The following ADGRV1 variants were observed in gnomAD, a reference collection of about 807,000 sequenced individuals.
ADGRV1 encodes the protein G-protein coupled receptor 98.
A neutral mutation model predicts 596.2 loss-of-function variants in ADGRV1; 359 were observed. That is an observed-to-expected ratio of 0.60 (90% CI 0.55 to 0.66). ADGRV1 has a LOEUF of 0.66. ADGRV1 is among the 30% of genes least tolerant of loss of function. The pLI, the probability that ADGRV1 is intolerant of heterozygous loss-of-function variation, is 0.00. For missense variants in ADGRV1, 7,274 were observed against 7,575.6 expected, an observed-to-expected ratio of 0.96 and a Z score of 1.48; for synonymous variants, 2,681 against 2,679.2, an observed-to-expected ratio of 1.00 and a Z score of -0.02.
intron 85 of ADGRV1, among the ~76,000 whole-genome samples, chr5:91,042,979 G>T (rs1212200775): frequency 6.6e-6 from 1 of 152,030 alleles, no homozygotes; most frequent in Non-Finnish European, 1.5e-5. Flanking sequence ...TTTCGAGCCA[G>T]TAGTAACCCC....
chr5:90,912,664 G>A (rs12520956), intron 83 of ADGRV1, among the ~76,000 whole-genome samples: 43,909 of 151,892 alleles, frequency 0.29, 6,743 homozygotes, highest in Non-Finnish European at 0.35. Flanking sequence ...TGGAGAACGG[G>A]GGTTATTTGG....
chr5:91,060,734 T>A (rs966531812), intron 85 of ADGRV1, among the ~76,000 whole-genome samples: 4 of 152,192 alleles, frequency 2.6e-5, no homozygotes, highest in Non-Finnish European at 5.9e-5. Context: ...AGATGGCAAA[T>A]ATGGGTGTGA....
At position 90,756,458 on chromosome 5, in the gene ADGRV1, A is replaced by C; in HGVS notation, c.11585A>C (p.Asp3862Ala). Residue 3862 changes from aspartate (D) to alanine (A), a missense_variant, in exon 56 of 90, where the codon GAC becomes GCC. Asp to Ala is a moderately radical substitution (Grantham distance 126). This residue lies in a region of ADGRV1 where 3,643 missense variants were observed against 3,809.2 expected (regional missense o/e 0.96). Coordinates refer to ENST00000405460, the MANE Select transcript of ADGRV1 (RefSeq NM_032119.4). ...AHAEVSILPDDLPELEEGFIV... is the reference protein window; with the variant it reads ...AHAEVSILPDALPELEEGFIV... ...TCTTTTTCCCCCATCCCCCAGGATG[A>C]CCTTCCTGAATTGGAGGAAGGATTT... is the stretch of plus-strand genomic sequence containing the variant. 2 of 1,509,132 alleles carry C rather than the reference A, an allele frequency of 1.3e-6. 1 individual carries two copies. The allele number at this position is 1,509,132 out of a possible 1,614,324, so 93.5% of individuals were successfully genotyped here. A position where few individuals can be genotyped will look rare whatever the true frequency, so the allele number is the denominator to read the frequency against.
Position 90,716,505 on chromosome 5 carries a change from G to A in ADGRV1, c.9223G>A (p.Val3075Ile). The A allele has an allele frequency of 6.2e-7, 1 of 1,608,018 alleles. No homozygotes were observed. The highest frequency in any genetic ancestry group is 1.1e-5 in the South Asian group (1 of 89,666). ...CCTTGCTAATGATGACGGCCCTGGAGTTCTATCATTTAACAACAGTGAGCA... is the reference window on the plus strand; with the variant it reads ...CCTTGCTAATGATGACGGCCCTGGAATTCTATCATTTAACAACAGTGAGCA... ...IVLANDDGPG[V>I]LSFNNSEHFF... Residue 3075 changes from valine (V) to isoleucine (I), a missense_variant, in exon 43 of 90, where the codon GTT becomes ATT. Coordinates refer to ENST00000405460, the MANE Select transcript of ADGRV1 (RefSeq NM_032119.4).
rs777314329 is a variant in ADGRV1 at position 90,840,585 on chromosome 5, G to A, written c.16619G>A (p.Arg5540Lys). The A allele has an allele frequency of 1.3e-6, 2 of 1,597,508 alleles. No individual in the cohort carries two copies. Among genetic ancestry groups the A allele is most frequent in the Non-Finnish European group, 1.7e-6 (2 of 1,169,572 alleles). ...GTGTTGTTTAATTTCTAGGAGTTGA[G>A]GAGTGCTGAAACAATTGGTCGTACC... ...MSVNFSTQEL[R>K]SAETIGRTII... Residue 5540 changes from arginine to lysine, a missense_variant, in exon 78 of 90, where the codon AGG becomes AAG. Coordinates refer to ENST00000405460, the MANE Select transcript of ADGRV1 (RefSeq NM_032119.4).
intron 77 of ADGRV1, among the ~76,000 whole-genome samples, chr5:90,839,828 C>T: frequency 6.6e-6 from 1 of 152,166 alleles, no homozygotes; most frequent in East Asian, 1.9e-4. Context: ...TTCCACAACC[C>T]TTGTACAACC....
At chr5:90,738,651 A>C (rs1336988764) in intron 50 of ADGRV1, among the ~76,000 whole-genome samples, 1 of 152,092 alleles carries the variant, frequency 6.6e-6, no homozygotes, top group Non-Finnish European at 1.5e-5. Context: ...CATGGTCTGC[A>C]GGGTTTCTGC....
chr5:91,150,697 C>T (rs946843739), intron 88 of ADGRV1, among the ~76,000 whole-genome samples: 1 of 152,196 alleles, frequency 6.6e-6, no homozygotes, highest in Non-Finnish European at 1.5e-5. Context: ...TTAAGCCAAA[C>T]CTCTTTTCAA....
chr5:90,566,682 G>A lies in ADGRV1; in HGVS notation c.22+7765G>A, dbSNP rs148414427. Among the ~76,000 whole-genome samples, 824 of 151,944 alleles carry A rather than the reference G, an allele frequency of 5.4e-3. 5 individuals carry two copies. Among genetic ancestry groups the A allele is most frequent in the Non-Finnish European group, 9.2e-3 (626 of 67,868 alleles). ...CAATTGATTCTTGTATATTGATTTT[G>A]TATTCTGTAATCTTGCTGAACTCTT... On this transcript the variant is annotated intron_variant, in intron 1 of 89. Transcript: ENST00000405460.
intron 50 of ADGRV1, among the ~76,000 whole-genome samples, chr5:90,739,966 C>G (rs1440648435): frequency 6.6e-6 from 1 of 152,070 alleles, no homozygotes; most frequent in Non-Finnish European, 1.5e-5. Context: ...GACTCCTTGC[C>G]TGGCAAGGGC....
intron 1 of ADGRV1, among the ~76,000 whole-genome samples, chr5:90,565,434 C>T (rs1471041011): frequency 6.6e-6 from 1 of 152,156 alleles, no homozygotes; most frequent in East Asian, 1.9e-4. Context: ...TGGAATCATA[C>T]AATATGTGGC....
intron 86 of ADGRV1, among the ~76,000 whole-genome samples, chr5:91,074,038 T>C (rs1211661504): frequency 6.6e-6 from 1 of 152,258 alleles, no homozygotes; most frequent in Non-Finnish European, 1.5e-5. Flanking sequence ...TCTTAACTCC[T>C]TTAATAAAAA....
intron 79 of ADGRV1, among the ~76,000 whole-genome samples, chr5:90,849,445 A>G (rs1766259365): frequency 6.6e-6 from 1 of 152,280 alleles, no homozygotes; most frequent in South Asian, 2.1e-4. Flanking sequence ...GCTGGAGTGC[A>G]ATGGCGGGGT....
chr5:90,790,954 G>C lies in ADGRV1; in HGVS notation c.14125G>C (p.Glu4709Gln), dbSNP rs1760002977. Residue 4709 changes from glutamate to glutamine, a missense_variant, in exon 70 of 90, where the codon GAG becomes CAG. By Grantham distance (29) the Glu-to-Gln change is conservative (BLOSUM62 2). Coordinates refer to ENST00000405460, the MANE Select transcript of ADGRV1 (RefSeq NM_032119.4). ...TGGATTTTTCACCATTGCTGATGGA[G>C]AGAGTGAAGCTAGCTTTGATGTTCA... Reference protein sequence around the residue: ...TSGFFTIADGESEASFDVHLL... With the variant: ...TSGFFTIADGQSEASFDVHLL... 6.2e-7 allele frequency: 1 copy of C among 1,613,046 alleles called. No individual in the cohort carries two copies.
At chr5:90,821,560 G>C (rs1763509700) in intron 75 of ADGRV1, among the ~76,000 whole-genome samples, 1 of 151,014 alleles carries the variant, frequency 6.6e-6, no homozygotes, top group Non-Finnish European at 1.5e-5. Flanking sequence ...TCTACTTTTG[G>C]TCTTTGATGA....
chr5:90,667,028 C>G (rs1004903434), intron 21 of ADGRV1, among the ~76,000 whole-genome samples: 1 of 152,294 alleles, frequency 6.6e-6, no homozygotes, highest in Admixed American at 6.5e-5. Context: ...ACCTTTCTCT[C>G]TAGCTGCCCT....
chr5:91,090,333 T>C (rs1790277440), intron 86 of ADGRV1, among the ~76,000 whole-genome samples: 1 of 152,144 alleles, frequency 6.6e-6, no homozygotes, highest in Admixed American at 6.6e-5. Context: ...TTATTCTCCT[T>C]AGATTCAAAA....
chr5:90,828,829 T>C (rs1176359389), intron 76 of ADGRV1, 115 bp from the exon 77 acceptor site: 2 of 547,304 alleles, frequency 3.7e-6, no homozygotes, highest in Non-Finnish European at 5.6e-6. Context: ...TCTAGATTTA[T>C]ATATTTATTT....
chr5:90,676,086 G>A lies in ADGRV1; in HGVS notation c.5320G>A (p.Ala1774Thr). 6.3e-7 allele frequency: 1 copy of A among 1,596,260 alleles called. No individual in the cohort carries two copies. The highest frequency in any genetic ancestry group is 8.6e-7 in the Non-Finnish European group (1 of 1,168,712). ...TCAGTCTTTTATATTTCAGAATGTT[G>A]CTGGCACATTAGAATTTCAACCAGG... ...AFSPEDYQNV[A>T]GTLEFQPGER... Residue 1774 changes from alanine to threonine, a missense_variant, in exon 25 of 90, where the codon GCT (alanine) becomes ACT (threonine). Around this residue, in one of 5 missense-constraint regions of ADGRV1, gnomAD observed 3,643 missense variants for 3,809.2 expected, o/e 0.96. Transcript: ENST00000405460.
Sources: allele counts gnomAD v4.1 joint callset (sites outside exome capture counted in the v4.1 genomes callset), GRCh38; gene constraint gnomAD v4.1.1; regional missense constraint gnomAD v4.1.1; transcripts MANE v1.5; gene names NCBI Gene and HGNC (gene_info 2026-07-23, HGNC 2026-07-21).